The following SPTLC3 variants were observed in gnomAD, a reference collection of about 807,000 sequenced individuals.
SPTLC3 encodes serine palmitoyltransferase 3.
SPTLC3 carries 36 observed loss-of-function variants against 59.3 expected under a neutral mutation model. That is an observed-to-expected ratio of 0.61 (90% confidence interval 0.47 to 0.80). The LOEUF is 0.80. SPTLC3 is among the 30% of genes least tolerant of loss of function. The pLI, the probability that SPTLC3 is intolerant of heterozygous loss-of-function variation, is 0.00. For missense variants in SPTLC3, 625 were observed against 685.1 expected (o/e 0.91, Z 0.98); for synonymous variants, 257 against 240.8 (o/e 1.07, Z -0.62).
intron 6 of SPTLC3, among the ~76,000 whole-genome samples, chr20:13,108,967 A>G (rs1397658193): frequency 1.3e-5 from 2 of 152,230 alleles, no homozygotes; most frequent in Non-Finnish European, 2.9e-5. Flanking sequence ...TCTTCTCAAA[A>G]AAGGGAAAGC....
chr20:13,154,234 G>T, intron 10 of SPTLC3, 96 bp downstream of exon 10: 2 of 1,489,532 alleles, frequency 1.3e-6, no homozygotes, highest in African/African-American at 2.8e-5. Context: ...CTGGAATGGG[G>T]TGAGTGAGTT....
chr20:13,093,511 A>C lies in SPTLC3; in HGVS notation c.760A>C (p.Asn254His). The change falls in exon 6 of 12, where the codon AAC (asparagine) becomes CAC (histidine). Residue 254 changes from asparagine to histidine, a missense_variant. Coordinates refer to ENST00000399002, the MANE Select transcript of SPTLC3 (RefSeq NM_018327.4). ...KGCLILSDELNHTSLVLGARL... is the reference protein window; with the variant it reads ...KGCLILSDELHHTSLVLGARL... ...ATGCCTCATTTTAAGTGATGAGTTA[A>C]ACCACACATCGCTTGTGCTTGGGGC... is the stretch of plus-strand genomic sequence containing the variant. The C allele has an allele frequency of 6.2e-7, 1 of 1,613,658 alleles. No homozygotes were observed. Among genetic ancestry groups the C allele is most frequent in the South Asian group, 1.1e-5 (1 of 91,074 alleles).
At chr20:13,073,463 GC>G (rs2122572515) in intron 3 of SPTLC3, among the ~76,000 whole-genome samples, 1 of 151,384 alleles carries the variant, frequency 6.6e-6, no homozygotes, top group East Asian at 1.9e-4. Context: ...CAGACCTAAG[GC>G]CCCTCCAGCA....
chr20:13,142,556 T>A lies in SPTLC3; in HGVS notation c.1280-11447T>A, dbSNP rs545629914. On this transcript the variant is annotated intron_variant, in intron 9 of 11. Coordinates refer to ENST00000399002, the MANE Select transcript of SPTLC3 (RefSeq NM_018327.4). Reference sequence around the variant, plus strand: ...AGTGTGTGGGTCTGGGCTAGAGAGATTGTATTTGCTTTCTATTTCTACATT... The same window carrying A: ...AGTGTGTGGGTCTGGGCTAGAGAGAATGTATTTGCTTTCTATTTCTACATT... Among the ~76,000 whole-genome samples, 6 of 152,222 alleles carry A rather than the reference T, an allele frequency of 3.9e-5. No individual in the cohort carries two copies. In the East Asian group the frequency reaches 1.2e-3, roughly 29 times the overall value.
At chr20:13,039,524 C>G (rs574420288) in intron 1 of SPTLC3, among the ~76,000 whole-genome samples, 4 of 152,132 alleles carry the variant, frequency 2.6e-5, no homozygotes, top group East Asian at 3.9e-4. Flanking sequence ...TGTATCTACT[C>G]TAGACATTTT....
intron 7 of SPTLC3, among the ~76,000 whole-genome samples, chr20:13,110,696 C>T (rs751705968): frequency 3.9e-5 from 6 of 152,034 alleles, no homozygotes; most frequent in Non-Finnish European, 5.9e-5. Context: ...CCTGTTTTCC[C>T]CAAGGTAGGA....
intron 1 of SPTLC3, among the ~76,000 whole-genome samples, chr20:13,010,265 G>A (rs536682263): frequency 1.5e-4 from 23 of 152,188 alleles, no homozygotes; most frequent in African/African-American, 5.5e-4. Flanking sequence ...CAAACAGGTA[G>A]CCTCCTGTTT....
At chr20:13,130,213 A>G (rs1236675425) in intron 9 of SPTLC3, among the ~76,000 whole-genome samples, 1 of 152,238 alleles carries the variant, frequency 6.6e-6, no homozygotes, top group Admixed American at 6.5e-5. Context: ...GGAATATTGC[A>G]TTAGCTCACC....
At chr20:13,089,594 T>C (rs1201124974) in intron 4 of SPTLC3, among the ~76,000 whole-genome samples, 1 of 152,102 alleles carries the variant, frequency 6.6e-6, no homozygotes, top group African/African-American at 2.4e-5. Flanking sequence ...GAGACCAGCC[T>C]GCGCAACAAG....
At chr20:13,103,188 T>TA (rs1989678995) in intron 6 of SPTLC3, among the ~76,000 whole-genome samples, 1 of 152,188 alleles carries the variant, frequency 6.6e-6, no homozygotes, top group African/African-American at 2.4e-5. Flanking sequence ...ACAGACCCCA[T>TA]AAATGTGACT....
chr20:13,023,810 A>C (rs1218744747), intron 1 of SPTLC3, among the ~76,000 whole-genome samples: 2 of 152,162 alleles, frequency 1.3e-5, no homozygotes, highest in African/African-American at 2.4e-5. Context: ...GAACTTTTTG[A>C]AGAGAATGAA....
At chr20:13,059,816 T>G (rs1315563863) in intron 2 of SPTLC3, among the ~76,000 whole-genome samples, 1 of 152,168 alleles carries the variant, frequency 6.6e-6, no homozygotes, top group African/African-American at 2.4e-5. Context: ...TATTTCAGGT[T>G]CTCTTTTCCT....
intron 7 of SPTLC3, among the ~76,000 whole-genome samples, chr20:13,112,766 C>T (rs1990307019): frequency 6.6e-6 from 1 of 152,220 alleles, no homozygotes; most frequent in South Asian, 2.1e-4. Context: ...AAGCCTCAAT[C>T]GCTCTTGGGG....
rs1437477036 is a variant in SPTLC3, at chr20:13,165,965, C to T, written c.*1098C>T. The T allele has an allele frequency of 6.6e-6, 1 of 152,360 alleles. No individual in the cohort carries two copies. Among genetic ancestry groups the T allele is most frequent in the Non-Finnish European group, 1.5e-5 (1 of 68,036 alleles). 9.4% of individuals were successfully genotyped at this position (152,360 alleles called of 1,614,324 possible). A position where few individuals can be genotyped will look rare whatever the true frequency, so the allele number is the denominator to read the frequency against. ...TAACTGTAATTTACTTGTGTTCTCT[C>T]TTTCTTGCTCTCCTTCTCAACATGA... On this transcript the variant is annotated 3_prime_UTR_variant, in exon 12 of 12. Transcript: ENST00000399002.
intron 9 of SPTLC3, among the ~76,000 whole-genome samples, chr20:13,145,776 T>C (rs116988183): frequency 6.6e-6 from 1 of 152,150 alleles, no homozygotes; most frequent in South Asian, 2.1e-4. Flanking sequence ...AGCATGATAC[T>C]GGTAAGAAAA....
At chr20:13,086,829 T>A (rs574942942) in intron 4 of SPTLC3, among the ~76,000 whole-genome samples, 11 of 152,238 alleles carry the variant, frequency 7.2e-5, no homozygotes, top group African/African-American at 2.4e-4. Context: ...GATCTTGCTT[T>A]GTCACCCAGG....
At chr20:13,097,552 C>T (rs1989462814) in intron 6 of SPTLC3, among the ~76,000 whole-genome samples, 1 of 152,020 alleles carries the variant, frequency 6.6e-6, no homozygotes, top group Admixed American at 6.6e-5. Context: ...TTTCTCTATT[C>T]TCTGTTTTTG....
chr20:13,104,549 T>A (rs1203801306), intron 6 of SPTLC3, among the ~76,000 whole-genome samples: 1 of 152,162 alleles, frequency 6.6e-6, no homozygotes, highest in Admixed American at 6.5e-5. Flanking sequence ...CAGTCTCAGG[T>A]ATGTCTTTAT....
At chr20:13,109,992 T>C in intron 6 of SPTLC3, 120 bp from the exon 7 acceptor site, 1 of 754,026 alleles carries the variant, frequency 1.3e-6, no homozygotes, top group Non-Finnish European at 2.1e-6. Flanking sequence ...TCTCTGATTC[T>C]GAATTTGTTC....
Sources: gnomAD v4.1 joint callset for allele counts (sites outside exome capture counted in the v4.1 genomes callset) on GRCh38, gnomAD v4.1.1 for gene constraint, MANE v1.5 for transcripts, NCBI Gene and HGNC (gene_info 2026-07-23, HGNC 2026-07-21) for gene names.